ARID1B: variants seen among roughly 807,000 people sequenced by gnomAD.
ARID1B encodes AT-rich interactive domain-containing protein 1B.
In ARID1B, 30 loss-of-function variants were observed where a neutral mutation model predicts 212.3. The observed-to-expected ratio is 0.14, with a 90% CI of 0.11 to 0.19. The LOEUF (loss-of-function observed/expected upper bound fraction) is 0.19, where lower values mean the gene tolerates loss of function less well. Ranked by LOEUF, ARID1B falls within the 10% of genes least tolerant of loss-of-function variation. The pLI is 1.00. For synonymous variants in ARID1B, 1,402 were observed against 1,301.7 expected, an observed-to-expected ratio of 1.08 and a Z score of -1.66; for missense variants, 2,891 against 3,204.0, an observed-to-expected ratio of 0.90 and a Z score of 2.36.
intron 2 of ARID1B, among the ~76,000 whole-genome samples, chr6:156,865,361 G>T (rs1045756417): frequency 2.0e-5 from 3 of 152,186 alleles, no homozygotes; most frequent in Non-Finnish European, 4.4e-5. Context: ...ATGGAATTCT[G>T]GAAATCACTT....
At chr6:156,901,232 T>G in intron 2 of ARID1B, 144 bp from the exon 3 acceptor site, 1 of 940,714 alleles carries the variant, frequency 1.1e-6, no homozygotes, top group East Asian at 2.6e-5. Flanking sequence ...GCGTGTCGAT[T>G]TGTTTAAGGA....
intron 4 of ARID1B, among the ~76,000 whole-genome samples, chr6:157,050,547 A>G (rs1309703076): frequency 6.6e-6 from 1 of 152,216 alleles, no homozygotes; most frequent in Non-Finnish European, 1.5e-5. Flanking sequence ...CTTATCTCAA[A>G]AATAAAAAAG....
intron 1 of ARID1B, among the ~76,000 whole-genome samples, chr6:156,827,704 T>C (rs1383449043): frequency 3.3e-5 from 5 of 151,856 alleles, no homozygotes; most frequent in African/African-American, 7.2e-5. Context: ...GTACTGTACA[T>C]GCTGTTCCCT....
intron 13 of ARID1B, 157 bp downstream of exon 13, chr6:157,184,592 A>G (rs1043946527): frequency 2.4e-6 from 2 of 822,020 alleles, no homozygotes; most frequent in South Asian, 3.4e-5. Context: ...TTGGACGCCC[A>G]CTGGCAGTGT....
intron 2 of ARID1B, among the ~76,000 whole-genome samples, chr6:156,858,726 A>G (rs1475490526): frequency 6.6e-6 from 1 of 152,180 alleles, no homozygotes; most frequent in Non-Finnish European, 1.5e-5. Context: ...CCAAGATCCC[A>G]CCATTGCACT....
At chr6:156,877,596 T>G (rs767107765) in intron 2 of ARID1B, among the ~76,000 whole-genome samples, 9 of 152,166 alleles carry the variant, frequency 5.9e-5, no homozygotes, top group Non-Finnish European at 1.2e-4. Context: ...ATTTTCAGAG[T>G]CTGGCACATA....
intron 11 of ARID1B, among the ~76,000 whole-genome samples, chr6:157,179,890 A>G (rs1039444682): frequency 1.3e-5 from 2 of 151,864 alleles, no homozygotes; most frequent in Non-Finnish European, 2.9e-5. Context: ...CTTCAAAAAT[A>G]TGTTTAAAAT....
intron 3 of ARID1B, among the ~76,000 whole-genome samples, chr6:156,908,954 A>G (rs1348137446): frequency 6.6e-6 from 1 of 152,078 alleles, no homozygotes; most frequent in African/African-American, 2.4e-5. Flanking sequence ...GCCCTCACGT[A>G]GTTTTAATAT....
rs371642739 is a variant in ARID1B at position 157,153,593 on chromosome 6, A to G, written c.3089+4642A>G. ...GCATCATTTTGGAGGATTCTGAGCCATTACCTGAGCATAGGTGAGCCAAAG... is the reference window on the plus strand; with the variant it reads ...GCATCATTTTGGAGGATTCTGAGCCGTTACCTGAGCATAGGTGAGCCAAAG... On this transcript the variant is annotated intron_variant, in intron 8 of 19. Transcript: ENST00000636930. Among the ~76,000 whole-genome samples the G allele has an allele frequency of 4.9e-4, 74 of 152,302 alleles. 2 individuals carry two copies. The highest frequency in any genetic ancestry group is 1.6e-3 in the African/African-American group (68 of 41,560).
At chr6:157,056,512 G>A (rs1399822814) in intron 4 of ARID1B, among the ~76,000 whole-genome samples, 1 of 152,204 alleles carries the variant, frequency 6.6e-6, no homozygotes, top group Non-Finnish European at 1.5e-5. Context: ...TGCAGTTGAT[G>A]CACTTCTGGG....
intron 1 of ARID1B, among the ~76,000 whole-genome samples, chr6:156,825,250 A>G (rs1782660875): frequency 6.6e-6 from 1 of 152,228 alleles, no homozygotes. Flanking sequence ...AAAATAGAGG[A>G]CACAGCAGGA....
chr6:157,049,751 TAAG>T (rs1356171232), intron 4 of ARID1B, among the ~76,000 whole-genome samples: 4 of 152,248 alleles, frequency 2.6e-5, no homozygotes, highest in Admixed American at 1.3e-4. Context: ...AATAAAATTT[TAAG>T]AAGTATTCTA....
Position 156,945,233 on chromosome 6 carries a change from C to CTT in ARID1B, c.2247+9691_2247+9692dup, listed in dbSNP as rs1164805779. Among the ~76,000 whole-genome samples the CTT allele has an allele frequency of 6.5e-3, 211 of 32,642 alleles. 43 individuals carry two copies. Among genetic ancestry groups the CTT allele is most frequent in the Admixed American group, 6.8e-3 (13 of 1,898 alleles). 21.4% of individuals were successfully genotyped at this position (32,642 alleles called of 152,430 possible). ...GACCGGTGTGAGCCCCCGCATCCGG[C>CTT]TTTTTTTTTTTTTTTTTTTTTTTTT... is the stretch of plus-strand genomic sequence containing the variant. On this transcript the variant is annotated intron_variant, in intron 4 of 19. Coordinates refer to ENST00000636930, the MANE Select transcript of ARID1B (RefSeq NM_001374828.1).
At chr6:156,875,840 G>A (rs10485205) in intron 2 of ARID1B, among the ~76,000 whole-genome samples, 17,433 of 152,210 alleles carry the variant, frequency 0.11, 1,186 homozygotes, top group East Asian at 0.3. Context: ...GCTACGTTTT[G>A]GCTAACAAAT....
chr6:156,921,315 T>G (rs964576801), intron 3 of ARID1B, among the ~76,000 whole-genome samples: 5 of 152,110 alleles, frequency 3.3e-5, no homozygotes, highest in African/African-American at 1.2e-4. Context: ...TTATTTTAAT[T>G]TAATTTTGAT....
At chr6:157,109,332 A>C (rs1220947768) in intron 5 of ARID1B, among the ~76,000 whole-genome samples, 1 of 152,188 alleles carries the variant, frequency 6.6e-6, no homozygotes, top group African/African-American at 2.4e-5. Flanking sequence ...CCTGACTATG[A>C]AGCAGTGGGT....
At chr6:157,073,238 A>T (rs1562595244) in intron 4 of ARID1B, among the ~76,000 whole-genome samples, 1 of 151,626 alleles carries the variant, frequency 6.6e-6, no homozygotes, top group African/African-American at 2.4e-5. Context: ...GAATAGCTGG[A>T]ATTACAGATG....
chr6:156,779,500 CCGCCCGGCGGCCT>C, intron 1 of ARID1B, 29 bp downstream of exon 1: 1 of 1,313,164 alleles, frequency 7.6e-7, no homozygotes, highest in Non-Finnish European at 9.7e-7. Flanking sequence ...GGGCCTGCTT[CCGCCCGGCGGCCT>C]CGCCGCGCCG....
intron 2 of ARID1B, among the ~76,000 whole-genome samples, chr6:156,863,852 G>A (rs1277487253): frequency 6.6e-6 from 1 of 152,156 alleles, no homozygotes; most frequent in African/African-American, 2.4e-5. Context: ...TGGGTGCTGG[G>A]CCTCTTTGAG....
Sources: gnomAD v4.1 joint callset for allele counts (sites outside exome capture counted in the v4.1 genomes callset) on GRCh38, gnomAD v4.1.1 for gene constraint, MANE v1.5 for transcripts, NCBI Gene and HGNC (gene_info 2026-07-23, HGNC 2026-07-21) for gene names.